Variants in SYNPR observed in about 807,000 individuals in gnomAD.
SYNPR encodes synaptoporin.
In SYNPR, 23 loss-of-function variants were observed where a neutral mutation model predicts 32.9. The ratio of observed to expected loss-of-function variants is 0.70; its 90% CI spans 0.50 to 0.99. The LOEUF is 0.99. Ranked by LOEUF, SYNPR falls within the 50% of genes least tolerant of loss-of-function variation. The pLI is 0.00. For synonymous variants in SYNPR, 146 were observed against 135.9 expected, an observed-to-expected ratio of 1.07 and a Z score of -0.52; for missense variants, 318 against 349.3, an observed-to-expected ratio of 0.91 and a Z score of 0.71.
At chr3:63,414,558 C>A (rs892353971) in intron 2 of SYNPR, among the ~76,000 whole-genome samples, 3 of 152,152 alleles carry the variant, frequency 2.0e-5, no homozygotes, top group African/African-American at 4.8e-5. Context: ...TGTGAATATT[C>A]AGATTGATTG....
chr3:63,580,944 C>T (rs188586729), intron 4 of SYNPR, among the ~76,000 whole-genome samples: 102 of 152,196 alleles, frequency 6.7e-4, no homozygotes, highest in Non-Finnish European at 1.3e-3. Flanking sequence ...GGTAGTATTG[C>T]CCATTTCACA....
chr3:63,305,257 C>G (rs1224148381), intron 2 of SYNPR, among the ~76,000 whole-genome samples: 1 of 152,036 alleles, frequency 6.6e-6, no homozygotes, highest in Non-Finnish European at 1.5e-5. Flanking sequence ...GTAGCCCAAG[C>G]TGACAGCTTG....
intron 2 of SYNPR, among the ~76,000 whole-genome samples, chr3:63,357,055 C>T (rs1215470967): frequency 1.3e-5 from 2 of 152,160 alleles, no homozygotes; most frequent in African/African-American, 4.8e-5. Context: ...ATAATTATTA[C>T]AAATCTTTGT....
intron 2 of SYNPR, among the ~76,000 whole-genome samples, chr3:63,354,910 G>T (rs149294271): frequency 6.6e-6 from 1 of 152,300 alleles, no homozygotes; most frequent in African/African-American, 2.4e-5. Flanking sequence ...TTGTAGCAAA[G>T]CTGGGGAGTA....
chr3:63,581,750 G>T (rs1243427268), intron 4 of SYNPR, among the ~76,000 whole-genome samples: 1 of 151,854 alleles, frequency 6.6e-6, no homozygotes, highest in Non-Finnish European at 1.5e-5. Flanking sequence ...AGACTTGAAA[G>T]GTTTATTAAA....
chr3:63,607,425 C>A (rs972358681), intron 4 of SYNPR, among the ~76,000 whole-genome samples: 1 of 152,040 alleles, frequency 6.6e-6, no homozygotes, highest in East Asian at 1.9e-4. Flanking sequence ...TTTCTTTATT[C>A]CAAATGTTTG....
the SYNPR span, among the ~76,000 whole-genome samples, chr3:63,209,718 T>A: frequency 6.6e-6 from 1 of 152,188 alleles, no homozygotes. Flanking sequence ...GGTTCAAGCA[T>A]AATTTCTTTT....
intron 1 of SYNPR, among the ~76,000 whole-genome samples, chr3:63,239,119 G>C (rs2086219361): frequency 6.6e-6 from 1 of 152,078 alleles, no homozygotes; most frequent in South Asian, 2.1e-4. Context: ...AGACTGAGCT[G>C]TGATATCTGT....
chr3:63,457,629 T>C (rs1700506765), intron 2 of SYNPR, among the ~76,000 whole-genome samples: 1 of 152,086 alleles, frequency 6.6e-6, no homozygotes, highest in Non-Finnish European at 1.5e-5. Flanking sequence ...TTTAAGAAAA[T>C]TAAATTTGTG....
intron 2 of SYNPR, among the ~76,000 whole-genome samples, chr3:63,464,719 C>T (rs1473533722): frequency 2.0e-5 from 3 of 152,162 alleles, no homozygotes; most frequent in African/African-American, 7.2e-5. Flanking sequence ...CAGTTTTCTC[C>T]AGCTCATGCA....
chr3:63,524,343 A>G (rs1196042212), intron 3 of SYNPR, among the ~76,000 whole-genome samples: 1 of 152,186 alleles, frequency 6.6e-6, no homozygotes, highest in Non-Finnish European at 1.5e-5. Context: ...AAAATAAATA[A>G]TAAGATTAAG....
At chr3:63,419,561 T>C (rs913563038) in intron 2 of SYNPR, among the ~76,000 whole-genome samples, 10 of 152,168 alleles carry the variant, frequency 6.6e-5, no homozygotes, top group African/African-American at 2.4e-4. Context: ...TCTAATTTAC[T>C]AATATTTAAA....
chr3:63,381,119 G>C (rs1171770211), intron 2 of SYNPR, among the ~76,000 whole-genome samples: 6 of 152,194 alleles, frequency 3.9e-5, no homozygotes, highest in African/African-American at 1.4e-4. Flanking sequence ...AATTGTACCT[G>C]TTTGCAGATG....
chr3:63,599,285 A>G (rs968207799), intron 4 of SYNPR, among the ~76,000 whole-genome samples: 1 of 152,196 alleles, frequency 6.6e-6, no homozygotes, highest in African/African-American at 2.4e-5. Flanking sequence ...TAAAGTCTAC[A>G]GTAGTGCACA....
chr3:63,305,820 T>C (rs2086904318), intron 2 of SYNPR, among the ~76,000 whole-genome samples: 2 of 152,010 alleles, frequency 1.3e-5, no homozygotes, highest in Admixed American at 6.6e-5. Context: ...TAACTTATCC[T>C]GGATTGCCAT....
rs200342050 is a variant in SYNPR, at chr3:63,253,040, G to GAA, written n.154+470_154+471dup. Among the ~76,000 whole-genome samples the GAA allele has an allele frequency of 1.2e-3, 151 of 124,030 alleles. 2 individuals are homozygous for GAA. In the East Asian group the frequency reaches 0.036, roughly 30 times the overall value. The allele number at this position is 124,030 out of a possible 152,430, so 81.4% of individuals were successfully genotyped here. A position where few individuals can be genotyped will look rare whatever the true frequency, so the allele number is the denominator to read the frequency against. ...GGTGACAGAGTGAGACTCTGTCTCAGAAAAAAAAAAAAAAAAAGAATAGTT... is the reference window on the plus strand; with the variant it reads ...GGTGACAGAGTGAGACTCTGTCTCAGAAAAAAAAAAAAAAAAAAAGAATAGTT... On this transcript the variant is annotated intron_variant and non_coding_transcript_variant, in intron 2 of 4. Coordinates refer to the SYNPR transcript ENST00000478456.
rs1430732754 is a variant in SYNPR, at chr3:63,245,729, G to A, written n.67-6770G>A. ...AGAGAGAGTGTGTGTGTGTGTGTGT[G>A]TGTGTGTGTGTATGTGTGTGTGTGT... On this transcript the variant is annotated intron_variant and non_coding_transcript_variant, in intron 1 of 4. Transcript: ENST00000478456. Among the ~76,000 whole-genome samples, 6 of 93,828 alleles carry A rather than the reference G, an allele frequency of 6.4e-5. No homozygotes were observed. The East Asian group carries it at 8.1e-4, about 13-fold the overall frequency. 61.6% of individuals were successfully genotyped at this position (93,828 alleles called of 152,430 possible).
At chr3:63,450,769 T>C (rs1370872082) in intron 2 of SYNPR, among the ~76,000 whole-genome samples, 1 of 152,192 alleles carries the variant, frequency 6.6e-6, no homozygotes, top group Non-Finnish European at 1.5e-5. Flanking sequence ...CACATGCTCC[T>C]GAGCTTGGAT....
chr3:63,255,636 T>A (rs923787625), intron 2 of SYNPR, among the ~76,000 whole-genome samples: 1 of 152,066 alleles, frequency 6.6e-6, no homozygotes, highest in Non-Finnish European at 1.5e-5. Flanking sequence ...GATGGCCAAA[T>A]AGGAACAGCT....
Sources: allele counts gnomAD v4.1 joint callset (sites outside exome capture counted in the v4.1 genomes callset), GRCh38; gene constraint gnomAD v4.1.1; transcripts MANE v1.5; gene names NCBI Gene and HGNC (gene_info 2026-07-23, HGNC 2026-07-21).